The following ID4 variants were observed in gnomAD, a reference collection of about 807,000 sequenced individuals.
The protein encoded by ID4 is inhibitor of DNA binding 4.
A neutral mutation model predicts 8.6 loss-of-function variants in ID4; 9 were observed. The ratio of observed to expected loss-of-function variants is 1.04; its 90% CI spans 0.63 to 1.82. The LOEUF is 1.82. Ranked by LOEUF, ID4 falls within the 40% of genes most tolerant of loss-of-function variation. ID4 has a pLI of 0.00. For synonymous variants in ID4, 180 were observed against 118.0 expected (o/e 1.53, Z -3.41); for missense variants, 270 against 235.1 (o/e 1.15, Z -0.97).
rs1488785824 is a variant in ID4 at position 19,840,994 on chromosome 6, ACTT to A, written c.*1803_*1805del. 4.6e-5 allele frequency among the ~76,000 whole-genome samples: 7 copies of A among 152,170 alleles called. No individual in the cohort carries two copies. The highest frequency in any genetic ancestry group is 1.2e-4 in the African/African-American group (5 of 41,442). ...AATAAAAGTATTATAGACCCAAGGG[ACTT>A]CTTATGAGGTCAAATTCAGATATTT... On this transcript the variant is annotated 3_prime_UTR_variant, in exon 3 of 3. Coordinates refer to ENST00000378700, the MANE Select transcript of ID4 (RefSeq NM_001546.4).
At position 19,837,858 on chromosome 6, in the gene ID4, T is replaced by C; in HGVS notation, c.104T>C (p.Leu35Pro). The C allele has an allele frequency of 8.0e-7, 1 of 1,251,282 alleles. No homozygotes were observed. Among genetic ancestry groups the C allele is most frequent in the Non-Finnish European group, 1.0e-6 (1 of 998,058 alleles). 77.5% of individuals were successfully genotyped at this position (1,251,282 alleles called of 1,614,324 possible). ...LRCLAEHGHS[L>P]GGSAAAAAAA... ...TGCCTGGCCGAGCACGGCCACAGCCTGGGTGGCTCCGCAGCCGCGGCGGCG... is the reference window on the plus strand; with the variant it reads ...TGCCTGGCCGAGCACGGCCACAGCCCGGGTGGCTCCGCAGCCGCGGCGGCG... The change falls in exon 1 of 3, where the codon CTG becomes CCG. Residue 35 changes from leucine (L) to proline (P), a missense_variant. Around this residue, in one of 3 missense-constraint regions of ID4, gnomAD observed 160 missense variants for 131.5 expected, o/e 1.22. Transcript: ENST00000378700.
rs141033954 is a variant in ID4 at position 19,839,986 on chromosome 6, T to A, written c.*791T>A. On this transcript the variant is annotated 3_prime_UTR_variant, in exon 3 of 3. Coordinates refer to ENST00000378700, the MANE Select transcript of ID4 (RefSeq NM_001546.4). ...AGTATAGACTCGGAAGTAACAGTTA[T>A]AGCTAGTGGTCTTGCATGATTGCAT... is the stretch of plus-strand genomic sequence containing the variant. 2 of 152,500 alleles carry A rather than the reference T, an allele frequency of 1.3e-5. No individual in the cohort carries two copies. Among genetic ancestry groups the A allele is most frequent in the Admixed American group, 1.3e-4 (2 of 15,286 alleles). The allele number at this position is 152,500 out of a possible 1,614,324, so 9.4% of individuals were successfully genotyped here.
At chr6:19,838,742 T>C in intron 2 of ID4, 100 bp downstream of exon 2, 1 of 1,013,336 alleles carries the variant, frequency 9.9e-7, no homozygotes, top group Non-Finnish European at 1.5e-6. Flanking sequence ...CCCCCAGCGT[T>C]TCTGAGAGCA....
chr6:19,837,817 G>T lies in ID4; in HGVS notation c.63G>T (p.Gly21=). Residue 21 remains glycine (G), a synonymous_variant, in exon 1 of 3, where the codon GGG becomes GGT. Coordinates refer to ENST00000378700, the MANE Select transcript of ID4 (RefSeq NM_001546.4). ...AGGCGCCGTCGGGCTGCGGCGGCGG[G>T]GAGCTGGCGCTGCGCTGCCTGGCCG... ...GRKAPSGCGG[G]ELALRCLAEH... 2.6e-6 allele frequency: 3 copies of T among 1,141,044 alleles called. No individual in the cohort carries two copies. Among genetic ancestry groups the T allele is most frequent in the South Asian group, 4.3e-5 (1 of 23,518 alleles). The allele number at this position is 1,141,044 out of a possible 1,614,324, so 70.7% of individuals were successfully genotyped here. A position where few individuals can be genotyped will look rare whatever the true frequency, so the allele number is the denominator to read the frequency against.
Position 19,840,647 on chromosome 6 carries a change from T to TTG in ID4, c.*1453_*1454insGT, listed in dbSNP as rs1213776606. On this transcript the variant is annotated 3_prime_UTR_variant, in exon 3 of 3. Transcript: ENST00000378700. ...TCCAATCTCTTGTGATGTGTAACTT[T>TTG]TACATGTGAATATTAAAGTAGATTT... 3 of 152,552 alleles carry TTG rather than the reference T, an allele frequency of 2.0e-5. No homozygotes were observed. Among genetic ancestry groups the TTG allele is most frequent in the Non-Finnish European group, 4.4e-5 (3 of 68,012 alleles). The allele number at this position is 152,552 out of a possible 1,614,324, so 9.4% of individuals were successfully genotyped here.
rs1199108809 is a variant in ID4, at chr6:19,839,507, A to T, written c.*312A>T. 2.0e-5 allele frequency: 3 copies of T among 152,656 alleles called. No homozygotes were observed. Among genetic ancestry groups the T allele is most frequent in the African/African-American group, 7.2e-5 (3 of 41,468 alleles). 9.5% of individuals were successfully genotyped at this position (152,656 alleles called of 1,614,324 possible). A position where few individuals can be genotyped will look rare whatever the true frequency, so the allele number is the denominator to read the frequency against. ...AACTTTTAAGCTTAAGTGTGACAGGACTGATAAATAGAAGATCAAGAGTAG... is the reference window on the plus strand; with the variant it reads ...AACTTTTAAGCTTAAGTGTGACAGGTCTGATAAATAGAAGATCAAGAGTAG... On this transcript the variant is annotated 3_prime_UTR_variant, in exon 3 of 3. Transcript: ENST00000378700.
intron 1 of ID4, 130 bp from the exon 2 acceptor site, chr6:19,838,454 G>T (rs981862529): frequency 7.8e-7 from 1 of 1,274,476 alleles, no homozygotes; most frequent in Admixed American, 1.9e-5. Context: ...GCCCGGAGGG[G>T]CCCCCCCGGC....
In ID4 at chr6:19,838,206, G is replaced by A. The variant is rs1433080647; in HGVS notation, c.441+11G>A. ...CTCAACACCGACCCGGTGAGAGGCC[G>A]GGCGCCGGCCGTGGGCGGACGCCGC... On this transcript the variant is annotated intron_variant, in intron 1 of 2. Coordinates refer to ENST00000378700, the MANE Select transcript of ID4 (RefSeq NM_001546.4). The A allele has an allele frequency of 2.2e-6, 3 of 1,348,936 alleles. No homozygotes were observed. The highest frequency in any genetic ancestry group is 3.1e-5 in the African/African-American group (2 of 64,850). The allele number at this position is 1,348,936 out of a possible 1,614,324, so 83.6% of individuals were successfully genotyped here.
rs906117236 is a variant in ID4, at chr6:19,840,631, T to C, written c.*1436T>C. 1.6e-4 allele frequency: 25 copies of C among 152,696 alleles called. No homozygotes were observed. The highest frequency in any genetic ancestry group is 6.2e-4 in the South Asian group (3 of 4,834). The allele number at this position is 152,696 out of a possible 1,614,324, so 9.5% of individuals were successfully genotyped here. On this transcript the variant is annotated 3_prime_UTR_variant, in exon 3 of 3. Transcript: ENST00000378700. The stretch of plus-strand genomic sequence containing the variant: ...TTACGCTAAGCTACTGTCCAATCTC[T>C]TGTGATGTGTAACTTTTACATGTGA...
In ID4 at chr6:19,839,955, T is replaced by A. The variant is rs1761324067; in HGVS notation, c.*760T>A. ...GCCTGGCTCTTAATTTGCTTTTGTT[T>A]TGCCCAGTATAGACTCGGAAGTAAC... On this transcript the variant is annotated 3_prime_UTR_variant, in exon 3 of 3. Transcript: ENST00000378700. 1 of 152,360 alleles carries A rather than the reference T, an allele frequency of 6.6e-6. No individual in the cohort carries two copies. Among genetic ancestry groups the A allele is most frequent in the Non-Finnish European group, 1.5e-5 (1 of 68,028 alleles). 9.4% of individuals were successfully genotyped at this position (152,360 alleles called of 1,614,324 possible).
rs186023422 is a variant in ID4, at chr6:19,841,022, T to G, written c.*1827T>G. On this transcript the variant is annotated 3_prime_UTR_variant, in exon 3 of 3. Coordinates refer to ENST00000378700, the MANE Select transcript of ID4 (RefSeq NM_001546.4). ...TCTTATGAGGTCAAATTCAGATATT[T>G]ATATGAATATGAAATACCATGGTCC... Among the ~76,000 whole-genome samples the G allele has an allele frequency of 1.2e-4, 18 of 152,300 alleles. No homozygotes were observed. The highest frequency in any genetic ancestry group is 3.4e-4 in the African/African-American group (14 of 41,576).
rs533968897 is a variant in ID4 at position 19,840,831 on chromosome 6, T to C, written c.*1636T>C. ...TATGCATTTAATGTTATGGGTACTT[T>C]ACACACAAGTTAGATGGAATTTTTA... On this transcript the variant is annotated 3_prime_UTR_variant, in exon 3 of 3. Transcript: ENST00000378700. 1 of 152,206 alleles carries C rather than the reference T, an allele frequency of 6.6e-6. No homozygotes were observed. Among genetic ancestry groups the C allele is most frequent in the Non-Finnish European group, 1.5e-5 (1 of 68,008 alleles). 9.4% of individuals were successfully genotyped at this position (152,206 alleles called of 1,614,324 possible). A position where few individuals can be genotyped will look rare whatever the true frequency, so the allele number is the denominator to read the frequency against.
chr6:19,840,607 T>G lies in ID4; in HGVS notation c.*1412T>G, dbSNP rs760901461. On this transcript the variant is annotated 3_prime_UTR_variant, in exon 3 of 3. Coordinates refer to ENST00000378700, the MANE Select transcript of ID4 (RefSeq NM_001546.4). ...AAAATGATTTTCACTATAGCTATGT[T>G]ACGCTAAGCTACTGTCCAATCTCTT... The G allele has an allele frequency of 6.6e-6, 1 of 152,598 alleles. No individual in the cohort carries two copies. The highest frequency in any genetic ancestry group is 6.5e-5 in the Admixed American group (1 of 15,288). The allele number at this position is 152,598 out of a possible 1,614,324, so 9.5% of individuals were successfully genotyped here.
Position 19,837,968 on chromosome 6 carries a change from T to C in ID4, c.214T>C (p.Tyr72His), listed in dbSNP as rs1351740812. The C allele has an allele frequency of 6.3e-7, 1 of 1,582,276 alleles. No individual in the cohort carries two copies. Among genetic ancestry groups the C allele is most frequent in the Non-Finnish European group, 8.6e-7 (1 of 1,164,830 alleles). ...CCTGCAGTGCGATATGAACGACTGC[T>C]ATAGCCGCCTGCGGAGGCTGGTGCC... ...LCLQCDMNDCYSRLRRLVPTI... is the reference protein window; with the variant it reads ...LCLQCDMNDCHSRLRRLVPTI... Residue 72 changes from tyrosine (Y) to histidine (H), a missense_variant, in exon 1 of 3, where the codon TAT becomes CAT. By Grantham distance (83) the Tyr-to-His change is moderately conservative (BLOSUM62 2). Transcript: ENST00000378700.
Position 19,839,649 on chromosome 6 carries a change from G to T in ID4, c.*454G>T, listed in dbSNP as rs1366967686. ...TTTACATCTATTGTTTAAAATAGAT[G>T]ATTATAACGGGGCAGAGAACTTTCT... is the stretch of plus-strand genomic sequence containing the variant. On this transcript the variant is annotated 3_prime_UTR_variant, in exon 3 of 3. Coordinates refer to ENST00000378700, the MANE Select transcript of ID4 (RefSeq NM_001546.4). 6.6e-6 allele frequency: 1 copy of T among 152,368 alleles called. No homozygotes were observed. Among genetic ancestry groups the T allele is most frequent in the African/African-American group, 2.4e-5 (1 of 41,318 alleles). The allele number at this position is 152,368 out of a possible 1,614,324, so 9.4% of individuals were successfully genotyped here.
In ID4 at chr6:19,838,607, C is replaced by T. The variant is rs750904819; in HGVS notation, c.465C>T (p.Gly155=). The T allele has an allele frequency of 1.3e-5, 21 of 1,613,956 alleles. No homozygotes were observed. The South Asian group carries it at 1.3e-4, about 10-fold the overall frequency. The change falls in exon 2 of 3, where the codon GGC becomes GGT. Residue 155 remains glycine, a synonymous_variant. Transcript: ENST00000378700. Reference sequence around the variant, plus strand: ...AGGCCGGCGCGGTGAACAAGCAGGGCGACAGCATTCTGTGCCGCTGAGCCG... The same window carrying T: ...AGGCCGGCGCGGTGAACAAGCAGGGTGACAGCATTCTGTGCCGCTGAGCCG... ...TDPAGAVNKQ[G]DSILCR
intron 1 of ID4, 103 bp downstream of exon 1, chr6:19,838,298 G>A: frequency 1.7e-6 from 2 of 1,154,214 alleles, no homozygotes; most frequent in Non-Finnish European, 2.3e-6. Flanking sequence ...GCAGGGGCGG[G>A]CCAGGAATGA....
In ID4 at chr6:19,837,425, G is replaced by A. The variant is rs557477842; in HGVS notation, c.-330G>A. 69 of 155,294 alleles carry A rather than the reference G, an allele frequency of 4.4e-4. No homozygotes were observed. Among genetic ancestry groups the A allele is most frequent in the African/African-American group, 1.6e-3 (66 of 41,618 alleles). 9.6% of individuals were successfully genotyped at this position (155,294 alleles called of 1,614,324 possible). A position where few individuals can be genotyped will look rare whatever the true frequency, so the allele number is the denominator to read the frequency against. ...GTAGTACCGGGAGTGGGGTGATCCC[G>A]GGCTAGGGGAGCGCGGCGGCCGCGA... On this transcript the variant is annotated 5_prime_UTR_variant, in exon 1 of 3. Transcript: ENST00000378700.
Position 19,840,029 on chromosome 6 carries a change from A to AT in ID4, c.*836dup, listed in dbSNP as rs1761325532. ...GATTGCATGAGATGTTTAATCACAA[A>AT]TTAAACTTGTTCTGAGTCCATTCAA... On this transcript the variant is annotated 3_prime_UTR_variant, in exon 3 of 3. Transcript: ENST00000378700. 6.6e-6 allele frequency: 1 copy of AT among 152,596 alleles called. No homozygotes were observed. The highest frequency in any genetic ancestry group is 2.4e-5 in the African/African-American group (1 of 41,446). The allele number at this position is 152,596 out of a possible 1,614,324, so 9.5% of individuals were successfully genotyped here. A position where few individuals can be genotyped will look rare whatever the true frequency, so the allele number is the denominator to read the frequency against.
Sources: allele counts gnomAD v4.1 joint callset (sites outside exome capture counted in the v4.1 genomes callset), GRCh38; gene constraint gnomAD v4.1.1; regional missense constraint gnomAD v4.1.1; transcripts MANE v1.5; gene names NCBI Gene and HGNC (gene_info 2026-07-23, HGNC 2026-07-21).